RNGTT: variants seen among roughly 807,000 people sequenced by gnomAD.
The protein encoded by RNGTT is RNA guanylyltransferase and 5'-phosphatase.
RNGTT carries 33 observed loss-of-function variants against 79.3 expected under a neutral mutation model. The observed-to-expected ratio is 0.42, with a 90% CI of 0.32 to 0.56. RNGTT has a LOEUF of 0.56. Among genes scored for constraint, RNGTT ranks in the 20% least tolerant of loss-of-function variants. The pLI is 0.17. For missense variants in RNGTT, 497 were observed against 739.1 expected (o/e 0.67, Z 3.80); for synonymous variants, 222 against 235.9 (o/e 0.94, Z 0.54).
At chr6:88,685,533 G>A (rs1294283493) in intron 13 of RNGTT, among the ~76,000 whole-genome samples, 1 of 151,550 alleles carries the variant, frequency 6.6e-6, no homozygotes, top group Admixed American at 6.6e-5. Context: ...GAGGAGAGGG[G>A]AGAAGGGGGG....
At chr6:88,801,768 T>C (rs1317447275) in intron 11 of RNGTT, 136 bp from the exon 12 acceptor site, 9 of 563,618 alleles carry the variant, frequency 1.6e-5, no homozygotes, top group Non-Finnish European at 2.6e-5. Flanking sequence ...GAGAAAGGGA[T>C]AGGTCTAAAG....
At chr6:88,694,771 G>C (rs957102086) in intron 13 of RNGTT, among the ~76,000 whole-genome samples, 17 of 152,122 alleles carry the variant, frequency 1.1e-4, no homozygotes, top group African/African-American at 4.1e-4. Context: ...GAAGAGAATA[G>C]ACAGCTCAGA....
intron 13 of RNGTT, among the ~76,000 whole-genome samples, chr6:88,766,471 T>C (rs1478432360): frequency 6.6e-6 from 1 of 152,078 alleles, no homozygotes; most frequent in Non-Finnish European, 1.5e-5. Context: ...ATATTGTGTA[T>C]AAAACTCAAC....
At chr6:88,932,127 G>A (rs149748880) in intron 2 of RNGTT, among the ~76,000 whole-genome samples, 2,924 of 152,200 alleles carry the variant, frequency 0.019, 85 homozygotes, top group African/African-American at 0.067. Flanking sequence ...AACAGCCCTG[G>A]GAAAAGAATG....
chr6:88,914,781 A>C lies in RNGTT; in HGVS notation c.368-8341T>G, dbSNP rs146092729. On this transcript the variant is annotated intron_variant, in intron 4 of 15. Coordinates refer to ENST00000369485, the MANE Select transcript of RNGTT (RefSeq NM_003800.5). ...AAACAAAAATTGACAAGTGGGACAT[A>C]ATTAAGCTAAAGAGCTTCTGCACAG... Among the ~76,000 whole-genome samples, 842 of 152,314 alleles carry C rather than the reference A, an allele frequency of 5.5e-3. 6 individuals carry two copies. The highest frequency in any genetic ancestry group is 0.018 in the African/African-American group (730 of 41,562).
At chr6:88,657,832 CA>C (rs1365968810) in intron 14 of RNGTT, among the ~76,000 whole-genome samples, 1 of 152,128 alleles carries the variant, frequency 6.6e-6, no homozygotes, top group African/African-American at 2.4e-5. Context: ...CAGAGGCAGC[CA>C]TAATTCCCCT....
intron 4 of RNGTT, among the ~76,000 whole-genome samples, chr6:88,917,991 C>T (rs1430509608): frequency 2.6e-5 from 4 of 152,108 alleles, no homozygotes; most frequent in Non-Finnish European, 5.9e-5. Context: ...GCTTAGATGT[C>T]ACATAATGAT....
At chr6:88,773,578 A>G (rs1046408586) in intron 12 of RNGTT, among the ~76,000 whole-genome samples, 2 of 152,072 alleles carry the variant, frequency 1.3e-5, no homozygotes, top group African/African-American at 4.8e-5. Context: ...ACAAAGCTAC[A>G]GTAATCAAAA....
chr6:88,904,384 G>A (rs954998900), intron 6 of RNGTT, among the ~76,000 whole-genome samples: 4 of 151,936 alleles, frequency 2.6e-5, no homozygotes, highest in Non-Finnish European at 4.4e-5. Flanking sequence ...ATCCAGACTG[G>A]TCAACAAAGT....
intron 14 of RNGTT, among the ~76,000 whole-genome samples, chr6:88,657,930 G>T (rs1289764880): frequency 6.6e-6 from 1 of 152,158 alleles, no homozygotes; most frequent in Non-Finnish European, 1.5e-5. Context: ...TCTGAGCTCA[G>T]ATCTGCCCAA....
At chr6:88,635,547 G>T (rs1218795729) in intron 14 of RNGTT, among the ~76,000 whole-genome samples, 1 of 151,978 alleles carries the variant, frequency 6.6e-6, no homozygotes, top group Non-Finnish European at 1.5e-5. Flanking sequence ...TTGTCCTGCA[G>T]TCTCTCCTCT....
intron 1 of RNGTT, among the ~76,000 whole-genome samples, chr6:88,954,923 T>C (rs1428330420): frequency 1.3e-5 from 2 of 151,812 alleles, no homozygotes; most frequent in African/African-American, 4.8e-5. Context: ...AAATACATGG[T>C]GGCACGGGCT....
At chr6:88,822,264 C>T (rs1256134255) in intron 11 of RNGTT, among the ~76,000 whole-genome samples, 2 of 152,016 alleles carry the variant, frequency 1.3e-5, no homozygotes, top group East Asian at 1.9e-4. Context: ...CTGGATTTCC[C>T]CTCGAGATGA....
intron 11 of RNGTT, among the ~76,000 whole-genome samples, chr6:88,825,683 C>T (rs1780633354): frequency 6.6e-6 from 1 of 152,152 alleles, no homozygotes; most frequent in African/African-American, 2.4e-5. Flanking sequence ...ACTGTTTCTT[C>T]CACTGCAAAG....
chr6:88,746,246 T>TGTGGTCCA lies in RNGTT; in HGVS notation c.1439+23527_1439+23528insTGGACCAC, dbSNP rs538816558. ...GCAAGTTTCTTCACAACCAACTGGC[T>TGTGGTCCA]GCTCCCTGTGGTCCAGCTGTGGCCT... is the stretch of plus-strand genomic sequence containing the variant. On this transcript the variant is annotated intron_variant, in intron 13 of 15. Coordinates refer to ENST00000369485, the MANE Select transcript of RNGTT (RefSeq NM_003800.5). Among the ~76,000 whole-genome samples the TGTGGTCCA allele has an allele frequency of 2.2e-3, 337 of 152,322 alleles. 1 individual carries two copies. The highest frequency in any genetic ancestry group is 7.9e-3 in the African/African-American group (328 of 41,578).
chr6:88,829,757 A>G (rs1780794182), intron 11 of RNGTT, among the ~76,000 whole-genome samples: 1 of 152,064 alleles, frequency 6.6e-6, no homozygotes. Flanking sequence ...CTGATAAAAC[A>G]GACTTTAAAC....
intron 11 of RNGTT, among the ~76,000 whole-genome samples, chr6:88,818,880 C>T (rs946948320): frequency 6.6e-6 from 1 of 152,002 alleles, no homozygotes; most frequent in Non-Finnish European, 1.5e-5. Context: ...ATTTAGTTAG[C>T]CAAAACCATT....
At chr6:88,713,753 T>G (rs1251820789) in intron 13 of RNGTT, among the ~76,000 whole-genome samples, 4 of 152,216 alleles carry the variant, frequency 2.6e-5, no homozygotes, top group Admixed American at 2.6e-4. Flanking sequence ...AAAATTATTG[T>G]CTTGTATTAC....
At chr6:88,900,284 G>C (rs1582107395) in intron 6 of RNGTT, among the ~76,000 whole-genome samples, 1 of 152,024 alleles carries the variant, frequency 6.6e-6, no homozygotes, top group African/African-American at 2.4e-5. Context: ...GAAATGACAA[G>C]ATGAAGAATT....
Sources: allele counts gnomAD v4.1 joint callset (sites outside exome capture counted in the v4.1 genomes callset), GRCh38; gene constraint gnomAD v4.1.1; transcripts MANE v1.5; gene names NCBI Gene and HGNC (gene_info 2026-07-23, HGNC 2026-07-21).